NHSL1: variants seen among roughly 807,000 people sequenced by gnomAD.
The protein encoded by NHSL1 is NHS-like protein 1.
NHSL1 carries 48 observed loss-of-function variants against 95.0 expected under a neutral mutation model. The ratio of observed to expected loss-of-function variants is 0.51; its 90% CI spans 0.40 to 0.64. The LOEUF (loss-of-function observed/expected upper bound fraction) is 0.64, where lower values mean the gene tolerates loss of function less well. Among genes scored for constraint, NHSL1 ranks in the 30% least tolerant of loss-of-function variants. The pLI is 0.00. For missense variants in NHSL1, 1,971 were observed against 2,077.7 expected, an observed-to-expected ratio of 0.95 and a Z score of 1.00; for synonymous variants, 783 against 833.9, an observed-to-expected ratio of 0.94 and a Z score of 1.05.
chr6:138,686,378 T>C (rs1016688871), intron 1 of NHSL1, among the ~76,000 whole-genome samples: 2 of 151,952 alleles, frequency 1.3e-5, no homozygotes, highest in Non-Finnish European at 2.9e-5. Flanking sequence ...AAAATTAGCC[T>C]GGCATGGTGG....
intron 2 of NHSL1, among the ~76,000 whole-genome samples, chr6:138,495,840 G>A (rs529680066): frequency 3.9e-5 from 6 of 152,200 alleles, no homozygotes; most frequent in African/African-American, 1.2e-4. Context: ...TGAAAGGCAC[G>A]TCTTATATGG....
intron 3 of NHSL1, among the ~76,000 whole-genome samples, chr6:138,471,376 G>T (rs1381029808): frequency 6.6e-6 from 1 of 152,040 alleles, no homozygotes; most frequent in East Asian, 1.9e-4. Context: ...TGAATAAACA[G>T]AAGTCCTACT....
chr6:138,560,443 C>G (rs149486474), intron 1 of NHSL1, among the ~76,000 whole-genome samples: 2 of 152,164 alleles, frequency 1.3e-5, no homozygotes, highest in East Asian at 3.9e-4. Flanking sequence ...GGCATGCACA[C>G]GTAAGGACAA....
At chr6:138,661,101 A>T (rs543396625) in intron 1 of NHSL1, among the ~76,000 whole-genome samples, 22 of 152,314 alleles carry the variant, frequency 1.4e-4, no homozygotes, top group Non-Finnish European at 2.8e-4. Flanking sequence ...AGCATATCCA[A>T]CACCTCCCAT....
At chr6:138,636,351 G>A (rs554124760) in intron 1 of NHSL1, among the ~76,000 whole-genome samples, 13 of 151,884 alleles carry the variant, frequency 8.6e-5, no homozygotes, top group Non-Finnish European at 1.8e-4. Context: ...TCTAAGATCT[G>A]CAACATGACA....
chr6:138,464,345 G>A (rs1778205731), intron 3 of NHSL1: 2 of 535,524 alleles, frequency 3.7e-6, no homozygotes, highest in Middle Eastern at 4.8e-4. Flanking sequence ...CGGCCTGGAG[G>A]CCATCTTGCA....
At chr6:138,452,297 G>A (rs1263119948) in intron 3 of NHSL1, among the ~76,000 whole-genome samples, 2 of 152,122 alleles carry the variant, frequency 1.3e-5, no homozygotes, top group Non-Finnish European at 2.9e-5. Context: ...GGTTCTACCC[G>A]GAAATCAGAC....
At chr6:138,510,486 T>A (rs1263857929) in intron 1 of NHSL1, among the ~76,000 whole-genome samples, 1 of 152,200 alleles carries the variant, frequency 6.6e-6, no homozygotes, top group Non-Finnish European at 1.5e-5. Context: ...TTTTTCATTG[T>A]CCTAAACTAC....
chr6:138,464,832 C>A (rs1367303263), intron 3 of NHSL1, among the ~76,000 whole-genome samples: 1 of 150,356 alleles, frequency 6.7e-6, no homozygotes, highest in East Asian at 2.0e-4. Context: ...CCTGCCTCAG[C>A]CTCTCTAGTA....
At chr6:138,568,978 T>C (rs1783719107) in intron 1 of NHSL1, among the ~76,000 whole-genome samples, 1 of 152,142 alleles carries the variant, frequency 6.6e-6, no homozygotes, top group Non-Finnish European at 1.5e-5. Context: ...TTTCAGAAAT[T>C]GAATGTGTGT....
rs576630574 is a variant in NHSL1 at position 138,435,712 on chromosome 6, G to T, written c.665-2032C>A. ...TTATTGTGCATTGCAGATAACTGGG[G>T]TTTTTTTTTTTGTTTTTTTGTTTTT... On this transcript the variant is annotated intron_variant, in intron 5 of 7. Coordinates refer to ENST00000343505, the MANE Select transcript of NHSL1 (RefSeq NM_001144060.2). Among the ~76,000 whole-genome samples the T allele has an allele frequency of 3.3e-3, 470 of 141,346 alleles. 2 individuals carry two copies. The highest frequency in any genetic ancestry group is 0.011 in the African/African-American group (440 of 38,752). The allele number at this position is 141,346 out of a possible 152,430, so 92.7% of individuals were successfully genotyped here. A position where few individuals can be genotyped will look rare whatever the true frequency, so the allele number is the denominator to read the frequency against.
chr6:138,424,007 C>CGCCT lies in NHSL1; in HGVS notation c.*70_*73dup. On this transcript the variant is annotated 3_prime_UTR_variant, in exon 8 of 8. Coordinates refer to ENST00000343505, the MANE Select transcript of NHSL1 (RefSeq NM_001144060.2). The surrounding 1 kb of genome is among the most constrained non-coding windows in gnomAD (Gnocchi z 5.9). ...GCTCCCCGGGTGAGCCAGGGAAGGG[C>CGCCT]GCCTAGCAGGCTTCCTAGAGTGCTG... 1 of 1,275,588 alleles carries CGCCT rather than the reference C, an allele frequency of 7.8e-7. No individual in the cohort carries two copies. 79.0% of individuals were successfully genotyped at this position (1,275,588 alleles called of 1,614,324 possible). A position where few individuals can be genotyped will look rare whatever the true frequency, so the allele number is the denominator to read the frequency against.
chr6:138,637,209 A>C (rs1486689531), intron 1 of NHSL1, among the ~76,000 whole-genome samples: 1 of 152,224 alleles, frequency 6.6e-6, no homozygotes, highest in Admixed American at 6.5e-5. Context: ...GAATAATGAA[A>C]CTAGATCCCG....
intron 2 of NHSL1, among the ~76,000 whole-genome samples, chr6:138,492,891 A>G (rs1780156471): frequency 6.6e-6 from 1 of 152,236 alleles, no homozygotes; most frequent in African/African-American, 2.4e-5. Context: ...ATACCTAGCT[A>G]CCTTTCTATA....
intron 1 of NHSL1, among the ~76,000 whole-genome samples, chr6:138,571,209 G>A (rs184554491): frequency 3.0e-4 from 45 of 152,280 alleles, no homozygotes; most frequent in Non-Finnish European, 5.0e-4. Flanking sequence ...AGCCCCTTGC[G>A]TGTTCATTTT....
chr6:138,536,449 C>G (rs1037681354), intron 1 of NHSL1, among the ~76,000 whole-genome samples: 1 of 152,138 alleles, frequency 6.6e-6, no homozygotes, highest in Non-Finnish European at 1.5e-5. Flanking sequence ...TCTATAGGAG[C>G]AGTCTTGTAA....
intron 1 of NHSL1, among the ~76,000 whole-genome samples, chr6:138,600,931 G>A (rs938182662): frequency 2.6e-5 from 4 of 152,162 alleles, no homozygotes; most frequent in Non-Finnish European, 5.9e-5. Flanking sequence ...TAACCACTTG[G>A]AAAGGGCTGC....
At chr6:138,463,504 CTTTTTT>C (rs61234570) in intron 3 of NHSL1, among the ~76,000 whole-genome samples, 1 of 129,364 alleles carries the variant, frequency 7.7e-6, no homozygotes, top group African/African-American at 2.8e-5. Context: ...GTGCGATGTT[CTTTTTT>C]TTTTTTTTTT....
In NHSL1 at chr6:138,494,798, G is replaced by A. The variant is rs536639278; in HGVS notation, c.211+1421C>T. Among the ~76,000 whole-genome samples, 7 of 152,266 alleles carry A rather than the reference G, an allele frequency of 4.6e-5. No homozygotes were observed. The South Asian group carries it at 1.5e-3, about 32-fold the overall frequency. On this transcript the variant is annotated intron_variant, in intron 2 of 7. Transcript: ENST00000343505. ...CTGCATGGTAGGAGAAGTCTGGTAG[G>A]AGCAGCATCTGGTAGAATAAGAAGT...
Sources: gnomAD v4.1 joint callset for allele counts (sites outside exome capture counted in the v4.1 genomes callset) on GRCh38, gnomAD v4.1.1 for gene constraint, Gnocchi (gnomAD v3.1) non-coding constraint, MANE v1.5 for transcripts, NCBI Gene and HGNC (gene_info 2026-07-23, HGNC 2026-07-21) for gene names.